Variants in SPHKAP observed in about 807,000 individuals in gnomAD.
SPHKAP encodes the protein SPHK1 interactor, AKAP domain containing.
In SPHKAP, 67 loss-of-function variants were observed where a neutral mutation model predicts 137.5. The ratio of observed to expected loss-of-function variants is 0.49; its 90% CI spans 0.40 to 0.60. The LOEUF is 0.60. Ranked by LOEUF, SPHKAP falls within the 20% of genes least tolerant of loss-of-function variation. The pLI is 0.00. For missense variants in SPHKAP, 2,097 were observed against 2,069.3 expected, an observed-to-expected ratio of 1.01 and a Z score of -0.26; for synonymous variants, 813 against 785.3, an observed-to-expected ratio of 1.04 and a Z score of -0.59.
At chr2:228,104,267 A>G (rs529120870) in intron 3 of SPHKAP, among the ~76,000 whole-genome samples, 24 of 130,954 alleles carry the variant, frequency 1.8e-4, no homozygotes, top group Non-Finnish European at 3.1e-4. Context: ...ATATCATTAT[A>G]TTATATATTA....
At chr2:228,026,932 G>A (rs1695063207) in intron 4 of SPHKAP, among the ~76,000 whole-genome samples, 2 of 152,200 alleles carry the variant, frequency 1.3e-5, no homozygotes, top group Admixed American at 6.5e-5. Context: ...GTTTTAGCAT[G>A]GAATGGCAAC....
chr2:228,067,036 CT>C (rs1468179184), intron 3 of SPHKAP, among the ~76,000 whole-genome samples: 70 of 152,304 alleles, frequency 4.6e-4, no homozygotes, highest in African/African-American at 1.6e-3. Context: ...GAAAATTCAG[CT>C]CCACCGACGT....
Position 227,981,657 on chromosome 2 carries a change from A to C in SPHKAP, c.*60T>G. On this transcript the variant is annotated 3_prime_UTR_variant, in exon 12 of 12. Coordinates refer to ENST00000392056, the MANE Select transcript of SPHKAP (RefSeq NM_001142644.2). Reference sequence around the variant, plus strand: ...GAGAATGTTTAGAGCATTTAGAACAAACCACTGTAATCTAAGTTGGAATAA... The same window carrying C: ...GAGAATGTTTAGAGCATTTAGAACACACCACTGTAATCTAAGTTGGAATAA... 1 of 1,558,700 alleles carries C rather than the reference A, an allele frequency of 6.4e-7. No homozygotes were observed. The highest frequency in any genetic ancestry group is 8.7e-7 in the Non-Finnish European group (1 of 1,156,022).
chr2:228,031,088 G>T (rs142338101), intron 3 of SPHKAP, among the ~76,000 whole-genome samples: 1,844 of 152,352 alleles, frequency 0.012, 19 homozygotes, highest in Non-Finnish European at 0.019. Flanking sequence ...CTTGGGAAGA[G>T]CAAGGGGTCA....
At chr2:227,990,564 C>T (rs1693375960) in intron 11 of SPHKAP, among the ~76,000 whole-genome samples, 1 of 152,130 alleles carries the variant, frequency 6.6e-6, no homozygotes, top group African/African-American at 2.4e-5. Flanking sequence ...AAAAAGTCTT[C>T]CTAACACGAA....
rs1401419114 is a variant in SPHKAP, at chr2:228,019,190, G to A, written c.1664C>T (p.Pro555Leu). 1 of 1,613,738 alleles carries A rather than the reference G, an allele frequency of 6.2e-7. No homozygotes were observed. The highest frequency in any genetic ancestry group is 1.1e-5 in the South Asian group (1 of 91,074). Reference sequence around the variant, plus strand: ...CTGAGTCATGCCACACAAAGCAGATGGAAAGGAGTACTCATTGATGGAAGG... The same window carrying A: ...CTGAGTCATGCCACACAAAGCAGATAGAAAGGAGTACTCATTGATGGAAGG... ...KEPSINEYSF[P>L]SALCGMTQVA... The change falls in exon 7 of 12, where the codon CCA becomes CTA. Residue 555 changes from proline (P) to leucine (L), a missense_variant. Physicochemically the swap from Pro to Leu is moderately conservative, Grantham distance 98. Transcript: ENST00000392056.
intron 11 of SPHKAP, among the ~76,000 whole-genome samples, chr2:227,986,634 G>T (rs12474405): frequency 0.17 from 25,613 of 152,086 alleles, 2,379 homozygotes; most frequent in East Asian, 0.39. Context: ...CCACCACTTT[G>T]TATGTAAAAT....
In SPHKAP at chr2:228,027,457, C is replaced by G. The variant is rs781170177; in HGVS notation, c.306+27G>C. On this transcript the variant is annotated intron_variant, in intron 4 of 11. Coordinates refer to ENST00000392056, the MANE Select transcript of SPHKAP (RefSeq NM_001142644.2). The stretch of plus-strand genomic sequence containing the variant: ...GTTGAATAGTCCTTGTAATGACCTC[C>G]CGGTCAGCTTGAGTTTCAAATGTTA... The G allele has an allele frequency of 1.9e-6, 3 of 1,609,168 alleles. No individual in the cohort carries two copies. The Admixed American group carries it at 5.0e-5, about 27-fold the overall frequency.
intron 3 of SPHKAP, among the ~76,000 whole-genome samples, chr2:228,056,044 C>G (rs1696429121): frequency 6.6e-6 from 1 of 152,156 alleles, no homozygotes; most frequent in African/African-American, 2.4e-5. Context: ...AACTGTGATG[C>G]ATATATTCCT....
At chr2:228,011,947 C>T (rs1694388905) in intron 7 of SPHKAP, among the ~76,000 whole-genome samples, 1 of 152,070 alleles carries the variant, frequency 6.6e-6, no homozygotes, top group African/African-American at 2.4e-5. Flanking sequence ...GGCAGGATCA[C>T]TTGAGCCCAG....
chr2:228,157,287 G>T (rs576040370), intron 1 of SPHKAP, among the ~76,000 whole-genome samples: 3 of 152,236 alleles, frequency 2.0e-5, no homozygotes, highest in African/African-American at 4.8e-5. Flanking sequence ...CACACAGTAG[G>T]TCATAGAATA....
At chr2:228,008,042 T>C (rs1164327598) in intron 7 of SPHKAP, among the ~76,000 whole-genome samples, 1 of 152,190 alleles carries the variant, frequency 6.6e-6, no homozygotes, top group East Asian at 1.9e-4. Flanking sequence ...TGTTGTTGAG[T>C]TTTAAGAGTT....
chr2:228,108,691 A>G (rs1221230854), intron 3 of SPHKAP, 141 bp downstream of exon 3: 1 of 598,946 alleles, frequency 1.7e-6, no homozygotes, highest in African/African-American at 1.9e-5. Context: ...AACTGTCCAT[A>G]TAAACCCGCT....
At chr2:228,052,704 A>C (rs889067696) in intron 3 of SPHKAP, among the ~76,000 whole-genome samples, 2 of 152,018 alleles carry the variant, frequency 1.3e-5, no homozygotes, top group Non-Finnish European at 2.9e-5. Context: ...ATATTTCTTT[A>C]TTTGTGGAGA....
At chr2:228,168,368 C>T (rs1700480805) in intron 1 of SPHKAP, among the ~76,000 whole-genome samples, 1 of 152,130 alleles carries the variant, frequency 6.6e-6, no homozygotes, top group South Asian at 2.1e-4. Flanking sequence ...ATTGTGCATC[C>T]AGTAATCCTA....
At chr2:228,130,013 C>T (rs1386631751) in intron 2 of SPHKAP, among the ~76,000 whole-genome samples, 1 of 151,994 alleles carries the variant, frequency 6.6e-6, no homozygotes, top group East Asian at 1.9e-4. Flanking sequence ...TGAGGCTGGT[C>T]TCGAACTCCT....
chr2:228,017,860 G>A lies in SPHKAP; in HGVS notation c.2994C>T (p.Pro998=). The A allele has an allele frequency of 1.9e-6, 3 of 1,613,994 alleles. No individual in the cohort carries two copies. The highest frequency in any genetic ancestry group is 2.5e-6 in the Non-Finnish European group (3 of 1,180,000). ...SGTAVRKHKP[P]RLSEIKRKTD... ...TCTTCCTCTTGATCTCACTGAGCCG[G>A]GGAGGCTTGTGTTTCCTCACAGCGG... Residue 998 remains proline (P), a synonymous_variant, in exon 7 of 12, where the codon CCC becomes CCT. Coordinates refer to ENST00000392056, the MANE Select transcript of SPHKAP (RefSeq NM_001142644.2).
chr2:228,034,824 TCAA>T (rs1695518552), intron 3 of SPHKAP, among the ~76,000 whole-genome samples: 1 of 152,194 alleles, frequency 6.6e-6, no homozygotes, highest in East Asian at 1.9e-4. Context: ...TCGACAAAAT[TCAA>T]CAACGCTTCA....
rs577236462 is a variant in SPHKAP at position 228,134,289 on chromosome 2, G to A, written c.33-2204C>T. On this transcript the variant is annotated intron_variant, in intron 1 of 11. Coordinates refer to ENST00000392056, the MANE Select transcript of SPHKAP (RefSeq NM_001142644.2). ...ATAAAGAAGGAAGGAAAGAAACAGA[G>A]GAAGAAAGCAGGAAAAAGAAATTAG... Among the ~76,000 whole-genome samples the A allele has an allele frequency of 7.2e-5, 11 of 151,958 alleles. No individual in the cohort carries two copies. The East Asian group carries it at 1.4e-3, about 19-fold the overall frequency.
Sources: allele counts gnomAD v4.1 joint callset (sites outside exome capture counted in the v4.1 genomes callset), GRCh38; gene constraint gnomAD v4.1.1; transcripts MANE v1.5; gene names NCBI Gene and HGNC (gene_info 2026-07-23, HGNC 2026-07-21).